Variants in MFHAS1 observed in about 807,000 individuals in gnomAD.
MFHAS1 encodes the protein multifunctional ROCO family signaling regulator 1.
A neutral mutation model predicts 70.4 loss-of-function variants in MFHAS1; 50 were observed. The observed-to-expected ratio is 0.71, with a 90% CI of 0.57 to 0.90. The LOEUF is 0.90. Among genes scored for constraint, MFHAS1 ranks in the 40% least tolerant of loss-of-function variants. The pLI, the probability that MFHAS1 is intolerant of heterozygous loss-of-function variation, is 0.00. For synonymous variants in MFHAS1, 952 were observed against 620.0 expected, an observed-to-expected ratio of 1.54 and a Z score of -7.96; for missense variants, 1,795 against 1,347.6, an observed-to-expected ratio of 1.33 and a Z score of -5.20.
intron 1 of MFHAS1, among the ~76,000 whole-genome samples, chr8:8,822,525 G>A (rs573944611): frequency 2.7e-4 from 39 of 145,450 alleles, no homozygotes; most frequent in African/African-American, 8.4e-4. Flanking sequence ...CAGGGATCAC[G>A]TCAGGGGGAT....
At chr8:8,846,415 A>T (rs1489634116) in intron 1 of MFHAS1, among the ~76,000 whole-genome samples, 2 of 151,890 alleles carry the variant, frequency 1.3e-5, no homozygotes, top group African/African-American at 4.8e-5. Flanking sequence ...CACTGCTACT[A>T]TGCAAGTCCA....
In MFHAS1 at chr8:8,891,557, A is replaced by G. The variant is rs763372213; in HGVS notation, c.1502T>C (p.Val501Ala). ...AGGCTCATAGGTGGCCAAGTTGACC[A>G]CCAGCACGTATAGGGCCCCTGGGGA... ...FLSPGALYVLVVNLATYEPRH... is the reference protein window; with the variant it reads ...FLSPGALYVLAVNLATYEPRH... Residue 501 changes from valine to alanine, a missense_variant, in exon 1 of 3, where the codon GTG becomes GCG. Physicochemically the swap from Val to Ala is moderately conservative, Grantham distance 64 (BLOSUM62 0). Transcript: ENST00000276282. The surrounding 1 kb of genome is among the most constrained non-coding windows in gnomAD (Gnocchi z 5.4). The G allele has an allele frequency of 1.2e-6, 2 of 1,613,098 alleles. No individual in the cohort carries two copies. The highest frequency in any genetic ancestry group is 1.7e-5 in the Admixed American group (1 of 60,014).
At chr8:8,800,453 A>G (rs1806047905) in intron 1 of MFHAS1, among the ~76,000 whole-genome samples, 1 of 152,238 alleles carries the variant, frequency 6.6e-6, no homozygotes, top group Non-Finnish European at 1.5e-5. Flanking sequence ...GAAGGCATCC[A>G]GTCCAAACAT....
chr8:8,825,363 G>C (rs904993004), intron 1 of MFHAS1, among the ~76,000 whole-genome samples: 1 of 152,212 alleles, frequency 6.6e-6, no homozygotes, highest in Non-Finnish European at 1.5e-5. Context: ...AGCAGAGACA[G>C]AGTTTCACCA....
intron 1 of MFHAS1, among the ~76,000 whole-genome samples, chr8:8,838,810 T>C (rs1242583706): frequency 2.7e-4 from 23 of 84,822 alleles, no homozygotes; most frequent in Non-Finnish European, 7.3e-5. Context: ...AGACCCTGCC[T>C]CAAAAAAAAA....
intron 1 of MFHAS1, among the ~76,000 whole-genome samples, chr8:8,833,380 A>T (rs1807480079): frequency 1.3e-5 from 2 of 152,180 alleles, no homozygotes. Flanking sequence ...CATAATCCTA[A>T]CATATGGAGA....
chr8:8,842,796 C>T (rs1308861611), intron 1 of MFHAS1, among the ~76,000 whole-genome samples: 1 of 152,182 alleles, frequency 6.6e-6, no homozygotes, highest in Non-Finnish European at 1.5e-5. Flanking sequence ...CATGAGAAAT[C>T]CCAGACACTG....
chr8:8,828,234 G>C (rs971113895), intron 1 of MFHAS1, among the ~76,000 whole-genome samples: 2 of 152,148 alleles, frequency 1.3e-5, no homozygotes, highest in Non-Finnish European at 2.9e-5. Context: ...TGAAACCAGA[G>C]ATTAAAAAAC....
chr8:8,818,437 G>A (rs1806825678), intron 1 of MFHAS1, among the ~76,000 whole-genome samples: 2 of 152,228 alleles, frequency 1.3e-5, no homozygotes, highest in African/African-American at 2.4e-5. Context: ...CTACGAGGAA[G>A]AGAAGGAGAA....
At chr8:8,838,604 G>A (rs567032107) in intron 1 of MFHAS1, among the ~76,000 whole-genome samples, 53 of 152,208 alleles carry the variant, frequency 3.5e-4, no homozygotes, top group African/African-American at 1.2e-3. Context: ...CCTGAGGTCA[G>A]GAGTTCAAGA....
chr8:8,850,903 G>A (rs1031163683), intron 1 of MFHAS1, among the ~76,000 whole-genome samples: 6 of 150,556 alleles, frequency 4.0e-5, no homozygotes, highest in South Asian at 2.1e-4. Context: ...CAACACTCAC[G>A]TAATCTCAGC....
Position 8,835,629 on chromosome 8 carries a change from T to C in MFHAS1, c.2999-38138A>G, listed in dbSNP as rs570398450. 3.3e-5 allele frequency among the ~76,000 whole-genome samples: 5 copies of C among 152,358 alleles called. No individual in the cohort carries two copies. The East Asian group carries it at 9.6e-4, about 29-fold the overall frequency. ...ACTTAATTTTCAGCACTTATTAATA[T>C]TTATAAAGCTTTTCTCTCTCACTTC... On this transcript the variant is annotated intron_variant, in intron 1 of 2. Coordinates refer to ENST00000276282, the MANE Select transcript of MFHAS1 (RefSeq NM_004225.3).
chr8:8,880,318 T>A (rs1809469477), intron 1 of MFHAS1, among the ~76,000 whole-genome samples: 2 of 152,226 alleles, frequency 1.3e-5, no homozygotes. Flanking sequence ...CAAAGGTGCT[T>A]GGCTGAGATG....
rs1171048877 is a variant in MFHAS1, at chr8:8,783,783, G to C, written c.*2239C>G. On this transcript the variant is annotated 3_prime_UTR_variant, in exon 3 of 3. Transcript: ENST00000276282. ...CTGTGTCTTTCCAGGTGCTGAAAGA[G>C]AAAACGGAATTTCTTGCATAGACAG... 2 of 152,178 alleles carry C rather than the reference G, an allele frequency of 1.3e-5. No individual in the cohort carries two copies. Among genetic ancestry groups the C allele is most frequent in the Non-Finnish European group, 2.9e-5 (2 of 68,050 alleles). 9.4% of individuals were successfully genotyped at this position (152,178 alleles called of 1,614,324 possible).
intron 2 of MFHAS1, among the ~76,000 whole-genome samples, chr8:8,794,609 C>T (rs1016397228): frequency 6.6e-6 from 1 of 152,184 alleles, no homozygotes; most frequent in Non-Finnish European, 1.5e-5. Context: ...TGCAGCTGCA[C>T]TAAAATATGG....
chr8:8,868,156 C>T (rs578190175), intron 1 of MFHAS1, among the ~76,000 whole-genome samples: 3 of 152,050 alleles, frequency 2.0e-5, no homozygotes, highest in African/African-American at 4.8e-5. Context: ...AGTTGAATCT[C>T]CCAGGTGCTT....
chr8:8,831,929 A>C (rs1198744242), intron 1 of MFHAS1, among the ~76,000 whole-genome samples: 1 of 152,170 alleles, frequency 6.6e-6, no homozygotes, highest in African/African-American at 2.4e-5. Flanking sequence ...GATTTTTGAC[A>C]AGAGCCCAGG....
rs1397021403 is a variant in MFHAS1 at position 8,788,141 on chromosome 8, G to A, written c.3126-2086C>T. ...AGGTACCATGTTTCAATTATAATTA[G>A]ACTCTGATAAGTTTGCCTGGTTATG... On this transcript the variant is annotated intron_variant, in intron 2 of 2. Coordinates refer to ENST00000276282, the MANE Select transcript of MFHAS1 (RefSeq NM_004225.3). Among the ~76,000 whole-genome samples, 4 of 152,164 alleles carry A rather than the reference G, an allele frequency of 2.6e-5. No homozygotes were observed. The East Asian group carries it at 7.7e-4, about 29-fold the overall frequency.
chr8:8,785,759 TC>T lies in MFHAS1; in HGVS notation c.*262del. ...CGACTTTTTTTTTTTTTTTTTCTTT[TC>T]TTCAAGTAGCGCGCTCCTTGGAGGA... On this transcript the variant is annotated 3_prime_UTR_variant, in exon 3 of 3. Transcript: ENST00000276282. The T allele has an allele frequency of 2.9e-5, 11 of 380,076 alleles. No homozygotes were observed. Among genetic ancestry groups the T allele is most frequent in the South Asian group, 7.5e-5 (1 of 13,376 alleles). The allele number at this position is 380,076 out of a possible 1,614,324, so 23.5% of individuals were successfully genotyped here.
Sources: gnomAD v4.1 joint callset for allele counts (sites outside exome capture counted in the v4.1 genomes callset) on GRCh38, gnomAD v4.1.1 for gene constraint, Gnocchi (gnomAD v3.1) non-coding constraint, MANE v1.5 for transcripts, NCBI Gene and HGNC (gene_info 2026-07-23, HGNC 2026-07-21) for gene names.